The following MYH15 variants were observed in gnomAD, a reference collection of about 807,000 sequenced individuals.
MYH15 encodes the protein myosin-15.
In MYH15, 227 loss-of-function variants were observed where a neutral mutation model predicts 240.5. The ratio of observed to expected loss-of-function variants is 0.94; its 90% confidence interval spans 0.85 to 1.05. The LOEUF (loss-of-function observed/expected upper bound fraction) is 1.05, where lower values mean the gene tolerates loss of function less well. MYH15 is among the 50% of genes least tolerant of loss of function. The probability of loss-of-function intolerance (pLI) is 0.00; values close to 1 mark genes in which losing one functional copy is unlikely to be tolerated. For missense variants in MYH15, 2,217 were observed against 2,247.5 expected (o/e 0.99, Z 0.27); for synonymous variants, 785 against 796.7 (o/e 0.99, Z 0.25).
At chr3:108,499,538 T>C in intron 4 of MYH15, 56 bp from the exon 5 acceptor site, 1 of 1,545,200 alleles carries the variant, frequency 6.5e-7, no homozygotes, top group Non-Finnish European at 8.9e-7. Context: ...TATGTATTAG[T>C]ATGAACTTAC....
chr3:108,434,047 CTTGA>C (rs2107563762), intron 25 of MYH15, among the ~76,000 whole-genome samples: 2 of 151,264 alleles, frequency 1.3e-5, no homozygotes, highest in East Asian at 3.9e-4. Flanking sequence ...AGATTAACAA[CTTGA>C]TTGATATTAA....
chr3:108,463,669 C>T (rs2083090422), intron 15 of MYH15, among the ~76,000 whole-genome samples: 2 of 152,014 alleles, frequency 1.3e-5, no homozygotes, highest in Admixed American at 6.6e-5. Flanking sequence ...TTATATGGGT[C>T]CTTTACCTTT....
At chr3:108,484,337 A>G (rs1196379633) in intron 11 of MYH15, among the ~76,000 whole-genome samples, 4 of 152,188 alleles carry the variant, frequency 2.6e-5, no homozygotes. Context: ...AATGTGAAGA[A>G]AAAACAAGGA....
chr3:108,433,566 G>A (rs938653335), intron 25 of MYH15, among the ~76,000 whole-genome samples: 8 of 152,156 alleles, frequency 5.3e-5, no homozygotes, highest in African/African-American at 1.7e-4. Flanking sequence ...TCCAGGTGTT[G>A]TGGGAGGGAA....
chr3:108,430,723 G>C (rs780011175), intron 26 of MYH15, 109 bp downstream of exon 26: 25 of 718,572 alleles, frequency 3.5e-5, no homozygotes, highest in Non-Finnish European at 5.3e-5. Flanking sequence ...GCCTCTGCCT[G>C]TGGTTGGCTA....
the MYH15 span, among the ~76,000 whole-genome samples, chr3:108,541,451 C>T: frequency 6.6e-6 from 1 of 150,396 alleles, no homozygotes; most frequent in South Asian, 2.1e-4. Context: ...TCATCAGGAA[C>T]CCAGTTAAAA....
At chr3:108,482,218 G>A (rs958544788) in intron 11 of MYH15, among the ~76,000 whole-genome samples, 10 of 152,258 alleles carry the variant, frequency 6.6e-5, no homozygotes, top group South Asian at 4.1e-4. Flanking sequence ...GAAGAAGACC[G>A]AGAAATGAAG....
At chr3:108,516,743 CTCTACAAAAGCAG>C (rs2083575712) in intron 1 of MYH15, among the ~76,000 whole-genome samples, 2 of 152,186 alleles carry the variant, frequency 1.3e-5, no homozygotes, top group African/African-American at 4.8e-5. Flanking sequence ...CAGCTTATTT[CTCTACAAAAGCAG>C]GGGTTTAGGC....
chr3:108,459,309 G>C lies in MYH15; in HGVS notation c.2020+53C>G, dbSNP rs1002756640. On this transcript the variant is annotated intron_variant, in intron 18 of 40. Coordinates refer to ENST00000693548, the MANE Select transcript of MYH15 (RefSeq NM_014981.3). ...ATTTCTTTAAAAGATATTCAATATA[G>C]CTAATATCAAATCTATTTCCTAGTG... 1.1e-5 allele frequency: 12 copies of C among 1,114,188 alleles called. No homozygotes were observed. The African/African-American group carries it at 1.9e-4, about 18-fold the overall frequency. 69.0% of individuals were successfully genotyped at this position (1,114,188 alleles called of 1,614,324 possible).
At chr3:108,458,085 T>C (rs1185415667) in intron 18 of MYH15, among the ~76,000 whole-genome samples, 1 of 151,938 alleles carries the variant, frequency 6.6e-6, no homozygotes, top group Non-Finnish European at 1.5e-5. Context: ...GTACAGGGAG[T>C]AGAATCCTAT....
intron 14 of MYH15, among the ~76,000 whole-genome samples, 194 bp downstream of exon 14, chr3:108,469,848 T>C: frequency 6.6e-6 from 1 of 152,120 alleles, no homozygotes; most frequent in East Asian, 1.9e-4. Flanking sequence ...GATGATGGAG[T>C]GGGGCAACTG....
At chr3:108,549,232 A>AT in the MYH15 span, among the ~76,000 whole-genome samples, 26 of 148,056 alleles carry the variant, frequency 1.8e-4, no homozygotes, top group Non-Finnish European at 1.7e-4. Flanking sequence ...ATTTGATTAA[A>AT]TTTTTTTTTT....
At position 108,381,422 on chromosome 3, in the gene MYH15, A is replaced by T. The variant is rs1576197501; in HGVS notation, c.*123T>A. 2 of 1,104,000 alleles carry T rather than the reference A, an allele frequency of 1.8e-6. No homozygotes were observed. Among genetic ancestry groups the T allele is most frequent in the South Asian group, 2.5e-5 (2 of 79,088 alleles). 68.4% of individuals were successfully genotyped at this position (1,104,000 alleles called of 1,614,324 possible). On this transcript the variant is annotated 3_prime_UTR_variant, in exon 41 of 41. Coordinates refer to ENST00000693548, the MANE Select transcript of MYH15 (RefSeq NM_014981.3). Reference sequence around the variant, plus strand: ...AATTATTTTTCTAATTGCCTTGTTTATATGGTGTGAAAAGCAATTTAAACA... The same window carrying T: ...AATTATTTTTCTAATTGCCTTGTTTTTATGGTGTGAAAAGCAATTTAAACA...
chr3:108,396,526 C>T (rs2107539330), intron 35 of MYH15, among the ~76,000 whole-genome samples: 1 of 152,334 alleles, frequency 6.6e-6, no homozygotes, highest in East Asian at 1.9e-4. Context: ...CTGCAGCTCA[C>T]CTCCTGCTGT....
intron 31 of MYH15, among the ~76,000 whole-genome samples, chr3:108,410,120 CA>C (rs1156490517): frequency 1.9e-4 from 29 of 152,176 alleles, no homozygotes; most frequent in African/African-American, 6.5e-4. Context: ...CTTCATTTTA[CA>C]GATGAGAAAA....
chr3:108,524,360 C>T (rs540013869), intron 1 of MYH15, among the ~76,000 whole-genome samples: 1 of 152,054 alleles, frequency 6.6e-6, no homozygotes, highest in African/African-American at 2.4e-5. Context: ...TTTGTTCTGT[C>T]TACTTTTTAT....
intron 2 of MYH15, among the ~76,000 whole-genome samples, chr3:108,503,111 T>C (rs1342646849): frequency 6.6e-6 from 1 of 152,036 alleles, no homozygotes; most frequent in East Asian, 1.9e-4. Context: ...GCCAGGGAGA[T>C]AGTGAAGCTG....
chr3:108,529,454 T>G (rs773052251), upstream of MYH15: 1 of 526,044 alleles, frequency 1.9e-6, no homozygotes, highest in Non-Finnish European at 3.3e-6. Flanking sequence ...GACAGGGAAA[T>G]AATTTCAAAA....
chr3:108,420,989 C>T (rs995365188), intron 28 of MYH15, 99 bp downstream of exon 28: 47 of 1,511,320 alleles, frequency 3.1e-5, no homozygotes, highest in Non-Finnish European at 3.1e-5. Flanking sequence ...TCTTCAGATG[C>T]CCACTCAGCC....
Sources: gnomAD v4.1 joint callset for allele counts (sites outside exome capture counted in the v4.1 genomes callset) on GRCh38, gnomAD v4.1.1 for gene constraint, MANE v1.5 for transcripts, NCBI Gene and HGNC (gene_info 2026-07-23, HGNC 2026-07-21) for gene names.